The following CAB39L variants were observed in gnomAD, a reference collection of about 807,000 sequenced individuals.
CAB39L encodes the protein calcium binding protein 39 like, also known as calcium-binding protein 39-like.
A neutral mutation model predicts 39.1 loss-of-function variants in CAB39L; 23 were observed. The observed-to-expected ratio is 0.59, with a 90% CI of 0.42 to 0.83. CAB39L has a LOEUF of 0.83. Among genes scored for constraint, CAB39L ranks in the 40% least tolerant of loss-of-function variants. The pLI is 0.00. For missense variants in CAB39L, 366 were observed against 391.9 expected (o/e 0.93, Z 0.56); for synonymous variants, 126 against 137.2 (o/e 0.92, Z 0.57).
At chr13:49,320,402 A>C (rs1015926547) in intron 10 of CAB39L, among the ~76,000 whole-genome samples, 1 of 152,188 alleles carries the variant, frequency 6.6e-6, no homozygotes, top group South Asian at 2.1e-4. Flanking sequence ...TGATCTGTGG[A>C]GTTCTCAGGC....
intron 6 of CAB39L, among the ~76,000 whole-genome samples, chr13:49,354,531 T>G (rs561519803): frequency 3.9e-5 from 6 of 152,360 alleles, no homozygotes; most frequent in African/African-American, 1.2e-4. Context: ...ACCTAATCTA[T>G]TCTACTCATA....
intron 3 of CAB39L, among the ~76,000 whole-genome samples, chr13:49,432,732 T>C (rs989822906): frequency 7.2e-5 from 11 of 152,318 alleles, no homozygotes; most frequent in African/African-American, 2.6e-4. Flanking sequence ...CCTCCACTTG[T>C]GGAGTTTTAG....
chr13:49,343,099 A>G (rs987880353), intron 8 of CAB39L, among the ~76,000 whole-genome samples: 3 of 152,212 alleles, frequency 2.0e-5, no homozygotes, highest in African/African-American at 7.2e-5. Context: ...CAACACTAGA[A>G]CAAAACATAC....
chr13:49,395,098 C>T (rs1011430956), intron 3 of CAB39L, among the ~76,000 whole-genome samples: 3 of 152,022 alleles, frequency 2.0e-5, no homozygotes, highest in African/African-American at 7.2e-5. Flanking sequence ...TCTGTTTTTT[C>T]CGAAGCTTGT....
intron 3 of CAB39L, among the ~76,000 whole-genome samples, chr13:49,423,535 G>A (rs1046368654): frequency 1.3e-5 from 2 of 151,898 alleles, no homozygotes; most frequent in African/African-American, 4.8e-5. Context: ...CTGGGCAACA[G>A]AGAAACACTC....
intron 3 of CAB39L, among the ~76,000 whole-genome samples, chr13:49,409,757 A>G (rs1488253714): frequency 6.6e-6 from 1 of 152,044 alleles, no homozygotes; most frequent in Non-Finnish European, 1.5e-5. Flanking sequence ...GTGTTTGAGC[A>G]GAGTGAAAAT....
chr13:49,323,890 T>A lies in CAB39L; in HGVS notation c.834+8057A>T, dbSNP rs566676796. On this transcript the variant is annotated intron_variant, in intron 10 of 10. Coordinates refer to ENST00000409308, the MANE Select transcript of CAB39L (RefSeq NM_001079670.3). The stretch of plus-strand genomic sequence containing the variant: ...TGAACAATGAGTAATTTTTTTAATG[T>A]TAGTATGTTCCGTGCAGTGCTATAC... Among the ~76,000 whole-genome samples, 235 of 152,300 alleles carry A rather than the reference T, an allele frequency of 1.5e-3. 2 individuals carry two copies. The highest frequency in any genetic ancestry group is 5.5e-3 in the African/African-American group (227 of 41,554).
chr13:49,377,445 A>T (rs552258313), intron 4 of CAB39L, among the ~76,000 whole-genome samples: 1 of 93,460 alleles, frequency 1.1e-5, no homozygotes, highest in East Asian at 2.1e-4. Context: ...TCTCCCTCTC[A>T]TGCGGAGCCG....
chr13:49,338,442 A>T (rs1954908838), intron 9 of CAB39L, among the ~76,000 whole-genome samples: 1 of 145,098 alleles, frequency 6.9e-6, no homozygotes, highest in Non-Finnish European at 1.5e-5. Flanking sequence ...ATAGGTGGGA[A>T]TTGAACAATG....
At chr13:49,430,608 GT>G (rs1957306617) in intron 3 of CAB39L, among the ~76,000 whole-genome samples, 1 of 152,108 alleles carries the variant, frequency 6.6e-6, no homozygotes, top group South Asian at 2.1e-4. Context: ...TCCTGTGCTT[GT>G]TATGTGGTAC....
At chr13:49,402,097 A>G (rs898147935) in intron 3 of CAB39L, among the ~76,000 whole-genome samples, 1 of 152,208 alleles carries the variant, frequency 6.6e-6, no homozygotes, top group Non-Finnish European at 1.5e-5. Context: ...ACAAAAGAGC[A>G]GTTTAATCAT....
intron 5 of CAB39L, among the ~76,000 whole-genome samples, chr13:49,375,926 C>T (rs140078085): frequency 6.6e-6 from 1 of 152,236 alleles, no homozygotes; most frequent in African/African-American, 2.4e-5. Context: ...GAAGTCTGGG[C>T]CCTTCGGGGT....
At chr13:49,349,455 CAT>C (rs34379188) in intron 7 of CAB39L, among the ~76,000 whole-genome samples, 10,561 of 141,560 alleles carry the variant, frequency 0.075, 674 homozygotes, top group East Asian at 0.41. Flanking sequence ...AATCTGAATA[CAT>C]ATATATATAT....
intron 5 of CAB39L, among the ~76,000 whole-genome samples, chr13:49,367,278 G>T (rs893494370): frequency 2.0e-5 from 3 of 152,220 alleles, no homozygotes; most frequent in Admixed American, 2.0e-4. Context: ...GTTCAACATT[G>T]TTAGCCATTA....
chr13:49,392,990 A>G (rs763439446), intron 3 of CAB39L: 2 of 152,178 alleles, frequency 1.3e-5, no homozygotes, highest in Non-Finnish European at 2.9e-5. Flanking sequence ...TTACAAAAAA[A>G]TGGTTAATGG....
intron 1 of CAB39L, among the ~76,000 whole-genome samples, chr13:49,442,014 T>C (rs1402767521): frequency 1.3e-5 from 2 of 152,220 alleles, no homozygotes; most frequent in Non-Finnish European, 2.9e-5. Context: ...TCTCCTTGTT[T>C]TGCATCCTTG....
rs568072104 is a variant in CAB39L, at chr13:49,312,209, T to A, written c.835-1216A>T. ...CATGCCTGGCCCTAAGGTTAACTTA[T>A]TATTAAAACAAGAAAAAAAATTTTT... is the stretch of plus-strand genomic sequence containing the variant. On this transcript the variant is annotated intron_variant, in intron 10 of 10. Transcript: ENST00000409308. Among the ~76,000 whole-genome samples the A allele has an allele frequency of 6.6e-5, 10 of 152,328 alleles. No individual in the cohort carries two copies. In the South Asian group the frequency reaches 2.1e-3, roughly 32 times the overall value.
intron 8 of CAB39L, among the ~76,000 whole-genome samples, chr13:49,341,756 C>T (rs1482055845): frequency 2.0e-5 from 3 of 152,052 alleles, no homozygotes; most frequent in African/African-American, 4.8e-5. Context: ...CACAAAGAAA[C>T]GATAAATATT....
intron 3 of CAB39L, among the ~76,000 whole-genome samples, chr13:49,395,883 T>C (rs953956711): frequency 1.3e-5 from 2 of 152,112 alleles, no homozygotes; most frequent in Non-Finnish European, 2.9e-5. Flanking sequence ...AATAGCCACT[T>C]GGAGCATTAA....
Sources: gnomAD v4.1 joint callset for allele counts (sites outside exome capture counted in the v4.1 genomes callset) on GRCh38, gnomAD v4.1.1 for gene constraint, MANE v1.5 for transcripts, NCBI Gene and HGNC (gene_info 2026-07-23, HGNC 2026-07-21) for gene names.